TRPV6: variants seen among roughly 807,000 people sequenced by gnomAD.
The protein encoded by TRPV6 is Alu-binding protein with zinc finger domain.
TRPV6 carries 39 observed loss-of-function variants against 79.0 expected under a neutral mutation model. That is an observed-to-expected ratio of 0.49 (90% confidence interval 0.38 to 0.64). The LOEUF (loss-of-function observed/expected upper bound fraction) is 0.64, where lower values mean the gene tolerates loss of function less well. Among genes scored for constraint, TRPV6 ranks in the 30% least tolerant of loss-of-function variants. TRPV6 has a pLI of 0.00. For synonymous variants in TRPV6, 373 were observed against 391.9 expected (o/e 0.95, Z 0.57); for missense variants, 813 against 1,011.1 (o/e 0.80, Z 2.66).
Position 142,875,570 on chromosome 7 carries a change from G to A in TRPV6, c.1140C>T (p.Ile380=), listed in dbSNP as rs754944574. 1 of 1,613,542 alleles carries A rather than the reference G, an allele frequency of 6.2e-7. No individual in the cohort carries two copies. ...AGATGCAGCACATGGTGAAGCAGAT[G>A]ATGTACAGCAGATATATGGCACCCA... Residue 380 remains isoleucine, a synonymous_variant, in exon 8 of 15, where the codon ATC becomes ATT. Transcript: ENST00000359396.
chr7:142,873,486 GCC>G lies in TRPV6; in HGVS notation c.1868_1869del (p.Trp623SerfsTer5). The G allele has an allele frequency of 6.2e-7, 1 of 1,614,160 alleles. No individual in the cohort carries two copies. Among genetic ancestry groups the G allele is most frequent in the Non-Finnish European group, 8.5e-7 (1 of 1,180,034 alleles). The stretch of plus-strand genomic sequence containing the variant: ...AGCTCATCCCGCTCATGGGCCACTC[GCC>G]AGTGAGTGTCGCCCATCATGGCAAT... On this transcript the variant is annotated frameshift_variant, in exon 13 of 15. Transcript: ENST00000359396. LOFTEE classifies it high-confidence loss of function. This position sits in a 1 kb window ranked among gnomAD's most constrained non-coding sequence, Gnocchi z 4.8.
intron 1 of TRPV6, chr7:142,879,763 A>G (rs1795156485): frequency 6.6e-6 from 1 of 152,220 alleles, no homozygotes; most frequent in African/African-American, 2.4e-5. Flanking sequence ...TCTAGCCCAG[A>G]TTAGCAAAAT....
rs953410693 is a variant in TRPV6 at position 142,873,871 on chromosome 7, T to C, written c.1640-155A>G. The stretch of plus-strand genomic sequence containing the variant: ...TGGGTTTTTACGGTCCCTAGTTTTG[T>C]ATGAGCCTCATCTTGATCCTAAGAG... On this transcript the variant is annotated intron_variant, in intron 12 of 14. Transcript: ENST00000359396. This position sits in a 1 kb window ranked among gnomAD's most constrained non-coding sequence, Gnocchi z 4.8. The C allele has an allele frequency of 2.6e-6, 3 of 1,153,110 alleles. No homozygotes were observed. The highest frequency in any genetic ancestry group is 3.7e-6 in the Non-Finnish European group (3 of 809,934). 71.4% of individuals were successfully genotyped at this position (1,153,110 alleles called of 1,614,324 possible). A position where few individuals can be genotyped will look rare whatever the true frequency, so the allele number is the denominator to read the frequency against.
In TRPV6 at chr7:142,873,792, G is replaced by A; in HGVS notation, c.1640-76C>T. Reference sequence around the variant, plus strand: ...AGCCCACCCCGGGCTCTGCGTGCATGTCCATCCTGGTCCCTTCATCTCAAT... The same window carrying A: ...AGCCCACCCCGGGCTCTGCGTGCATATCCATCCTGGTCCCTTCATCTCAAT... On this transcript the variant is annotated intron_variant, in intron 12 of 14. Coordinates refer to ENST00000359396, the MANE Select transcript of TRPV6 (RefSeq NM_018646.6). The surrounding 1 kb of genome is among the most constrained non-coding windows in gnomAD (Gnocchi z 4.8). The A allele has an allele frequency of 6.4e-7, 1 of 1,569,488 alleles. No individual in the cohort carries two copies. The highest frequency in any genetic ancestry group is 8.7e-7 in the Non-Finnish European group (1 of 1,147,818).
Position 142,875,886 on chromosome 7 carries a change from G to A in TRPV6, c.901C>T (p.Gln301Ter). The A allele has an allele frequency of 6.3e-7, 1 of 1,587,580 alleles. No homozygotes were observed. Among genetic ancestry groups the A allele is most frequent in the Non-Finnish European group, 8.6e-7 (1 of 1,168,518 alleles). The change falls in exon 7 of 15, where the codon CAG becomes TAG. Residue 301 changes from glutamine to a stop codon, truncating the protein, a stop_gained. Transcript: ENST00000359396. LOFTEE classifies it high-confidence loss of function. ...GTCCACTGGGTGTGCTTCCGCTTCT[G>A]CATCAGGTGCTGAAACATCTAAGGG...
chr7:142,877,500 C>T lies in TRPV6; in HGVS notation c.469+151G>A, dbSNP rs530225903. The T allele has an allele frequency of 1.8e-4, 264 of 1,463,528 alleles. 1 individual carries two copies. In the African/African-American group the frequency reaches 3.2e-3, roughly 18 times the overall value. 90.7% of individuals were successfully genotyped at this position (1,463,528 alleles called of 1,614,324 possible). On this transcript the variant is annotated intron_variant, in intron 3 of 14. Coordinates refer to ENST00000359396, the MANE Select transcript of TRPV6 (RefSeq NM_018646.6). ...GGCAGGCGTTCTAGTGATGGGCAGT[C>T]AGGACTGACACGGAAGGGAGACAGA...
rs764624500 is a variant in TRPV6, at chr7:142,877,929, C to T, written c.346G>A (p.Gly116Arg). 1 of 1,614,180 alleles carries T rather than the reference C, an allele frequency of 6.2e-7. No homozygotes were observed. Among genetic ancestry groups the T allele is most frequent in the East Asian group, 2.2e-5 (1 of 44,870 alleles). ...ATCATGCTGCATTTGTGCTTCTTAC[C>T]TCTCTGGTGCACCTTGCAATCCTCA... Residue 116 changes from glycine (G) to arginine (R), a missense_variant and splice_region_variant, in exon 2 of 15, where the codon GGA becomes AGA. By Grantham distance (125) the Gly-to-Arg change is moderately radical. Around this residue, in one of 3 missense-constraint regions of TRPV6, gnomAD observed 555 missense variants for 631.0 expected, o/e 0.88. Transcript: ENST00000359396.
In TRPV6 at chr7:142,873,499, G is replaced by A. The variant is rs761019181; in HGVS notation, c.1857C>T (p.Gly619=). 4 of 1,614,132 alleles carry A rather than the reference G, an allele frequency of 2.5e-6. No homozygotes were observed. Among genetic ancestry groups the A allele is most frequent in the South Asian group, 1.1e-5 (1 of 91,076 alleles). ...CATGGGCCACTCGCCAGTGAGTGTCGCCCATCATGGCAATGAGGAGGTTGA... is the reference window on the plus strand; with the variant it reads ...CATGGGCCACTCGCCAGTGAGTGTCACCCATCATGGCAATGAGGAGGTTGA... The change falls in exon 13 of 15, where the codon GGC becomes GGT. Residue 619 remains glycine, a synonymous_variant. Transcript: ENST00000359396. The surrounding 1 kb of genome is among the most constrained non-coding windows in gnomAD (Gnocchi z 4.8).
rs770871695 is a variant in TRPV6 at position 142,874,927 on chromosome 7, A to G, written c.1383T>C (p.Leu461=). ...ACATGAGGACATGGAATGGGCCCCC[A>G]AGGATGGTCTGTCCAAAGAAGCGAG... is the stretch of plus-strand genomic sequence containing the variant. The change falls in exon 10 of 15, where the codon CTT becomes CTC. Residue 461 remains leucine, a synonymous_variant. Coordinates refer to ENST00000359396, the MANE Select transcript of TRPV6 (RefSeq NM_018646.6). The G allele has an allele frequency of 7.6e-5, 123 of 1,614,058 alleles. No individual in the cohort carries two copies. The highest frequency in any genetic ancestry group is 9.8e-5 in the Non-Finnish European group (116 of 1,180,046).
intron 6 of TRPV6, 41 bp downstream of exon 6, chr7:142,876,367 G>A: frequency 6.3e-7 from 1 of 1,594,794 alleles, no homozygotes; most frequent in Non-Finnish European, 8.5e-7. Flanking sequence ...TAGGTTGAGG[G>A]TCATTAGAAA....
At position 142,877,959 on chromosome 7, in the gene TRPV6, T is replaced by G. The variant is rs1245747916; in HGVS notation, c.316A>C (p.Lys106Gln). The G allele has an allele frequency of 6.2e-7, 1 of 1,614,218 alleles. No homozygotes were observed. Among genetic ancestry groups the G allele is most frequent in the Non-Finnish European group, 8.5e-7 (1 of 1,180,028 alleles). Residue 106 changes from lysine to glutamine, a missense_variant, in exon 2 of 15, where the codon AAG (lysine) becomes CAG (glutamine). This residue lies in a region of TRPV6 where 555 missense variants were observed against 631.0 expected (regional missense o/e 0.88). Coordinates refer to ENST00000359396, the MANE Select transcript of TRPV6 (RefSeq NM_018646.6). ...TGGTGCACCTTGCAATCCTCATACT[T>G]GAGCAACTTGTTCAGGGCCTGGACA...
Position 142,877,263 on chromosome 7 carries a change from G to T in TRPV6, c.486C>A (p.His162Gln). 6.2e-7 allele frequency: 1 copy of T among 1,614,220 alleles called. No homozygotes were observed. The highest frequency in any genetic ancestry group is 1.3e-5 in the African/African-American group (1 of 75,072). ...TCATGTTCTGGTTCACAACAGCGAT[G>T]TGCAGTGCAGTCTGACCTGGCCCAG... The change falls in exon 4 of 15, where the codon CAC (histidine) becomes CAA (glutamine). Residue 162 changes from histidine (H) to glutamine (Q), a missense_variant. By Grantham distance (24) the His-to-Gln change is conservative. Transcript: ENST00000359396.
chr7:142,882,829 A>C (rs1795221432), intron 1 of TRPV6: 1 of 152,158 alleles, frequency 6.6e-6, no homozygotes, highest in South Asian at 2.1e-4. Flanking sequence ...TTTAACCCTA[A>C]AAAAAGCTCC....
At position 142,871,208 on chromosome 7, in the gene TRPV6, A is replaced by G; in HGVS notation, c.*499T>C. The G allele has an allele frequency of 5.4e-6, 3 of 554,740 alleles. No homozygotes were observed. The highest frequency in any genetic ancestry group is 6.2e-5 in the Admixed American group (2 of 32,486). 34.4% of individuals were successfully genotyped at this position (554,740 alleles called of 1,614,324 possible). A position where few individuals can be genotyped will look rare whatever the true frequency, so the allele number is the denominator to read the frequency against. ...CAGAGATGCAGAAGGGCAGCTGGGCAGGGATCCGAAAACGACTTTATTGAA... is the reference window on the plus strand; with the variant it reads ...CAGAGATGCAGAAGGGCAGCTGGGCGGGGATCCGAAAACGACTTTATTGAA... On this transcript the variant is annotated 3_prime_UTR_variant, in exon 15 of 15. Coordinates refer to ENST00000359396, the MANE Select transcript of TRPV6 (RefSeq NM_018646.6).
At chr7:142,872,579 G>A in intron 13 of TRPV6, 101 bp from the exon 14 acceptor site, 1 of 1,188,564 alleles carries the variant, frequency 8.4e-7, no homozygotes, top group Non-Finnish European at 1.2e-6. Flanking sequence ...GGAGAGAGTT[G>A]ATAGAGCTTG....
intron 1 of TRPV6, chr7:142,879,270 A>C (rs982972844): frequency 6.6e-6 from 1 of 152,210 alleles, no homozygotes; most frequent in Admixed American, 6.5e-5. Flanking sequence ...GAGTCAGATT[A>C]GTCTCTCCTT....
intron 11 of TRPV6, 109 bp downstream of exon 11, chr7:142,874,382 C>A: frequency 7.2e-7 from 1 of 1,398,548 alleles, no homozygotes; most frequent in Non-Finnish European, 1.0e-6. Context: ...GCAGTGAGGC[C>A]ATGTGTGGCT....
intron 1 of TRPV6, chr7:142,879,735 T>C (rs746044354): frequency 1.3e-5 from 2 of 152,234 alleles, no homozygotes; most frequent in African/African-American, 2.4e-5. Context: ...TAACCCTCAT[T>C]AATTCAAGTC....
intron 9 of TRPV6, 37 bp from the exon 10 acceptor site, chr7:142,875,017 C>G (rs1197167390): frequency 6.2e-7 from 1 of 1,614,010 alleles, no homozygotes; most frequent in Non-Finnish European, 8.5e-7. Context: ...CACTCAGATA[C>G]CGGAACTTGG....
Sources: gnomAD v4.1 joint callset for allele counts on GRCh38, gnomAD v4.1.1 for gene constraint, gnomAD v4.1.1 regional missense constraint, Gnocchi (gnomAD v3.1) non-coding constraint, MANE v1.5 for transcripts, NCBI Gene and HGNC (gene_info 2026-07-23, HGNC 2026-07-21) for gene names.